PCDHGA4: variants seen among roughly 807,000 people sequenced by gnomAD.
PCDHGA4 encodes protocadherin gamma-A4.
PCDHGA4 carries 38 observed loss-of-function variants against 54.6 expected under a neutral mutation model. The ratio of observed to expected loss-of-function variants is 0.70; its 90% CI spans 0.54 to 0.91. PCDHGA4 has a LOEUF of 0.91. Ranked by LOEUF, PCDHGA4 falls within the 40% of genes least tolerant of loss-of-function variation. The pLI is 0.00. For synonymous variants in PCDHGA4, 511 were observed against 512.9 expected, an observed-to-expected ratio of 1.00 and a Z score of 0.05; for missense variants, 1,298 against 1,220.9, an observed-to-expected ratio of 1.06 and a Z score of -0.94.
intron 1 of PCDHGA4, among the ~76,000 whole-genome samples, chr5:141,397,380 A>G (rs1469821900): frequency 1.7e-4 from 26 of 152,236 alleles, no homozygotes; most frequent in Non-Finnish European, 3.8e-4. Flanking sequence ...GGGGATTGGT[A>G]TAAAATTGCC....
chr5:141,427,294 A>G (rs1239553754), intron 1 of PCDHGA4: 6 of 456,876 alleles, frequency 1.3e-5, no homozygotes, highest in Non-Finnish European at 2.2e-5. Context: ...GAAATCCTAG[A>G]TGAGAATGAC....
In PCDHGA4 at chr5:141,431,819, A is replaced by C. The variant is rs2097420237; in HGVS notation, c.2515-62988A>C. On this transcript the variant is annotated intron_variant, in intron 1 of 3. Transcript: ENST00000571252. The surrounding 1 kb of genome is among the most constrained non-coding windows in gnomAD (Gnocchi z 4.8). ...AGAAGTGGTCCTCACCTCTCTCGCC[A>C]GCTCGGTTCCCGAAAACTCTCCCAG... 6.2e-7 allele frequency: 1 copy of C among 1,614,154 alleles called. No individual in the cohort carries two copies. Among genetic ancestry groups the C allele is most frequent in the Admixed American group, 1.7e-5 (1 of 60,018 alleles).
At chr5:141,420,521 C>A in intron 1 of PCDHGA4, 1 of 378,418 alleles carries the variant, frequency 2.6e-6, no homozygotes, top group Non-Finnish European at 4.4e-6. Context: ...AGTAAAATAC[C>A]TTTCGGTTAA....
In PCDHGA4 at chr5:141,490,413, G is replaced by C. The variant is rs2233606; in HGVS notation, c.2515-4394G>C. 6 of 1,614,128 alleles carry C rather than the reference G, an allele frequency of 3.7e-6. No individual in the cohort carries two copies. In the South Asian group the frequency reaches 4.4e-5, roughly 12 times the overall value. On this transcript the variant is annotated intron_variant, in intron 1 of 3. Transcript: ENST00000571252. The surrounding 1 kb of genome is among the most constrained non-coding windows in gnomAD (Gnocchi z 5.4). ...GTGAAGTGAGCCTTGATATCTCTCCGGACCTGCCATTTCAGATTAAGCCTT... is the reference window on the plus strand; with the variant it reads ...GTGAAGTGAGCCTTGATATCTCTCCCGACCTGCCATTTCAGATTAAGCCTT...
intron 1 of PCDHGA4, among the ~76,000 whole-genome samples, chr5:141,479,837 G>A (rs563513895): frequency 3.9e-5 from 6 of 152,338 alleles, no homozygotes; most frequent in Non-Finnish European, 8.8e-5. Flanking sequence ...TGGTATCCAT[G>A]CAAGGTGACT....
chr5:141,427,304 C>T, intron 1 of PCDHGA4: 1 of 456,910 alleles, frequency 2.2e-6, no homozygotes, highest in Non-Finnish European at 4.4e-6. Flanking sequence ...ATGAGAATGA[C>T]AATGCCCCAG....
rs760709557 is a variant in PCDHGA4, at chr5:141,384,156, C to T, written c.2514+26535C>T. The T allele has an allele frequency of 1.6e-5, 26 of 1,613,342 alleles. No homozygotes were observed. The Admixed American group carries it at 4.2e-4, about 26-fold the overall frequency. ...ACCGGGAAACACTCTCTTTGTATAA[C>T]ATCACACTGAAAGCCACAGATGGTG... On this transcript the variant is annotated intron_variant, in intron 1 of 3. Transcript: ENST00000571252.
chr5:141,359,713 T>C (rs953640079), intron 1 of PCDHGA4, among the ~76,000 whole-genome samples: 2 of 152,122 alleles, frequency 1.3e-5, no homozygotes, highest in Non-Finnish European at 2.9e-5. Flanking sequence ...CCTAAGAAAC[T>C]TTAACACTCA....
rs1369501221 is a variant in PCDHGA4 at position 141,493,257 on chromosome 5, A to G, written c.2515-1550A>G. On this transcript the variant is annotated intron_variant, in intron 1 of 3. Coordinates refer to ENST00000571252, the MANE Select transcript of PCDHGA4 (RefSeq NM_018917.4). The surrounding 1 kb of genome is among the most constrained non-coding windows in gnomAD (Gnocchi z 4.3). ...GGCTAGGTACTAACATGCCTCTCTT[A>G]TAACAGCTTCACAGAGGTCAAGTGA... Among the ~76,000 whole-genome samples the G allele has an allele frequency of 6.6e-6, 1 of 152,190 alleles. No individual in the cohort carries two copies. Among genetic ancestry groups the G allele is most frequent in the South Asian group, 2.1e-4 (1 of 4,830 alleles).
At chr5:141,376,830 G>A (rs1343049579) in intron 1 of PCDHGA4, 1 of 266,580 alleles carries the variant, frequency 3.8e-6, no homozygotes, top group Non-Finnish European at 7.1e-6. Flanking sequence ...GGGACTACAG[G>A]CGCCCGCCAC....
At chr5:141,479,056 A>G (rs952560687) in intron 1 of PCDHGA4, among the ~76,000 whole-genome samples, 1 of 152,098 alleles carries the variant, frequency 6.6e-6, no homozygotes, top group Admixed American at 6.5e-5. Context: ...TTCTCAGATA[A>G]TTTTTTATGA....
chr5:141,399,755 G>A (rs1420211451), intron 1 of PCDHGA4: 1 of 1,613,232 alleles, frequency 6.2e-7, no homozygotes, highest in African/African-American at 1.3e-5. Context: ...GCAAACGTGA[G>A]CCTGCGCGTG....
At chr5:141,382,637 G>A (rs993305735) in intron 1 of PCDHGA4, 3 of 381,072 alleles carry the variant, frequency 7.9e-6, no homozygotes, top group African/African-American at 2.1e-5. Context: ...TCAATGTGGT[G>A]CAGTAACTTA....
Position 141,355,776 on chromosome 5 carries a change from A to T in PCDHGA4, c.669A>T (p.Pro223=). ...VQSGADGIKY[P]ELVLERALDR... Reference sequence around the variant, plus strand: ...GTGGGGCCGATGGGATTAAGTACCCAGAGCTGGTGCTGGAACGCGCTCTAG... The same window carrying T: ...GTGGGGCCGATGGGATTAAGTACCCTGAGCTGGTGCTGGAACGCGCTCTAG... The change falls in exon 1 of 4, where the codon CCA becomes CCT. Residue 223 remains proline (P), a synonymous_variant. Transcript: ENST00000571252. The T allele has an allele frequency of 6.2e-7, 1 of 1,613,874 alleles. No homozygotes were observed. Among genetic ancestry groups the T allele is most frequent in the Non-Finnish European group, 8.5e-7 (1 of 1,179,826 alleles).
chr5:141,495,878 T>C (rs2099764378), intron 2 of PCDHGA4, among the ~76,000 whole-genome samples: 1 of 152,184 alleles, frequency 6.6e-6, no homozygotes, highest in African/African-American at 2.4e-5. Context: ...TTCCTCTCTG[T>C]TCTTTGTCTC....
chr5:141,409,769 G>A (rs1413636372), intron 1 of PCDHGA4: 19 of 1,612,658 alleles, frequency 1.2e-5, no homozygotes, highest in Non-Finnish European at 1.5e-5. Context: ...CTTTGATCAC[G>A]AGCAGCTGCG....
At chr5:141,497,745 G>C (rs1475395529) in intron 2 of PCDHGA4, among the ~76,000 whole-genome samples, 1 of 152,070 alleles carries the variant, frequency 6.6e-6, no homozygotes, top group Non-Finnish European at 1.5e-5. Flanking sequence ...CGCCACGTTG[G>C]CCAGGCTGGT....
At chr5:141,475,684 T>C (rs2099367059) in intron 1 of PCDHGA4, among the ~76,000 whole-genome samples, 1 of 152,228 alleles carries the variant, frequency 6.6e-6, no homozygotes, top group African/African-American at 2.4e-5. Context: ...TTGATTTGGA[T>C]TGGAGACTTG....
chr5:141,472,533 C>A (rs1200612581), intron 1 of PCDHGA4, among the ~76,000 whole-genome samples: 3 of 150,970 alleles, frequency 2.0e-5, no homozygotes, highest in African/African-American at 7.3e-5. Flanking sequence ...GAGTGAGACA[C>A]CATCTCAAGA....
Sources: allele counts gnomAD v4.1 joint callset (sites outside exome capture counted in the v4.1 genomes callset), GRCh38; gene constraint gnomAD v4.1.1; non-coding constraint Gnocchi (gnomAD v3.1); transcripts MANE v1.5; gene names NCBI Gene and HGNC (gene_info 2026-07-23, HGNC 2026-07-21).